SOX5: variants seen among roughly 807,000 people sequenced by gnomAD.
SOX5 encodes SRY-box transcription factor 5.
SOX5 carries 9 observed loss-of-function variants against 92.0 expected under a neutral mutation model. That is an observed-to-expected ratio of 0.10 (90% confidence interval 0.06 to 0.17). SOX5 has a LOEUF of 0.17. Ranked by LOEUF, SOX5 falls within the 10% of genes least tolerant of loss-of-function variation. The probability of loss-of-function intolerance (pLI) is 1.00; values close to 1 mark genes in which losing one functional copy is unlikely to be tolerated. For synonymous variants in SOX5, 344 were observed against 336.3 expected, an observed-to-expected ratio of 1.02 and a Z score of -0.25; for missense variants, 642 against 944.5, an observed-to-expected ratio of 0.68 and a Z score of 4.20.
At chr12:23,760,930 G>A (rs1009311060) in intron 3 of SOX5, among the ~76,000 whole-genome samples, 1 of 151,932 alleles carries the variant, frequency 6.6e-6, no homozygotes, top group Non-Finnish European at 1.5e-5. Context: ...TTGAAAAATC[G>A]AACAAACAAA....
chr12:23,594,100 G>T (rs1951990815), intron 9 of SOX5, among the ~76,000 whole-genome samples: 1 of 152,004 alleles, frequency 6.6e-6, no homozygotes, highest in Admixed American at 6.6e-5. Flanking sequence ...CATCTAAAAA[G>T]TTGACTTTGT....
At chr12:23,583,046 C>A (rs1950259031) in intron 9 of SOX5, among the ~76,000 whole-genome samples, 1 of 151,988 alleles carries the variant, frequency 6.6e-6, no homozygotes, top group Admixed American at 6.6e-5. Context: ...TATTTGAAAA[C>A]AAATAAAGAA....
At chr12:24,496,144 G>A (rs1338290259) in intron 1 of SOX5, among the ~76,000 whole-genome samples, 1 of 152,064 alleles carries the variant, frequency 6.6e-6, no homozygotes, top group Non-Finnish European at 1.5e-5. Flanking sequence ...TGAAGGGGTG[G>A]AATTCCAGAA....
intron 9 of SOX5, among the ~76,000 whole-genome samples, chr12:23,593,322 A>T (rs1027365678): frequency 1.8e-4 from 27 of 152,248 alleles, no homozygotes; most frequent in African/African-American, 6.0e-4. Context: ...AAGTCATACA[A>T]TTTCTGGTCT....
At chr12:24,271,855 T>G (rs1943786746) in intron 3 of SOX5, among the ~76,000 whole-genome samples, 2 of 152,170 alleles carry the variant, frequency 1.3e-5, no homozygotes, top group South Asian at 4.1e-4. Flanking sequence ...ACTTTCTGAA[T>G]TAACGGAGCT....
At chr12:24,068,834 G>A (rs1233126479) in intron 4 of SOX5, among the ~76,000 whole-genome samples, 1 of 149,502 alleles carries the variant, frequency 6.7e-6, no homozygotes, top group Non-Finnish European at 1.5e-5. Context: ...AAAAGATGCA[G>A]AAGGGCTGGA....
At chr12:24,304,758 T>G (rs1948384505) in intron 2 of SOX5, among the ~76,000 whole-genome samples, 1 of 152,178 alleles carries the variant, frequency 6.6e-6, no homozygotes, top group Non-Finnish European at 1.5e-5. Context: ...AAGCCTGCTC[T>G]CCTCTCATAT....
intron 1 of SOX5, among the ~76,000 whole-genome samples, chr12:24,376,068 T>A (rs1405820067): frequency 6.6e-6 from 1 of 152,206 alleles, no homozygotes; most frequent in African/African-American, 2.4e-5. Flanking sequence ...CTGAAGCGTA[T>A]TTCCTAGCAT....
intron 3 of SOX5, among the ~76,000 whole-genome samples, chr12:24,229,742 G>A (rs1962959964): frequency 6.6e-6 from 1 of 152,194 alleles, no homozygotes; most frequent in Non-Finnish European, 1.5e-5. Context: ...TGTGTGCCCT[G>A]AAAAAGTTGC....
chr12:24,285,501 T>C (rs147479128), intron 2 of SOX5, among the ~76,000 whole-genome samples: 66 of 151,128 alleles, frequency 4.4e-4, no homozygotes, highest in African/African-American at 1.5e-3. Flanking sequence ...TGTCTTAATC[T>C]ATGGGCCAGT....
In SOX5 at chr12:23,533,463, G is replaced by GA. The variant is rs756739948; in HGVS notation, c.*755dup. On this transcript the variant is annotated 3_prime_UTR_variant, in exon 15 of 15. Coordinates refer to ENST00000451604, the MANE Select transcript of SOX5 (RefSeq NM_006940.6). ...AAGAAGGAAAAGGAAAAAGTAAAGA[G>GA]AAAAAATGAACTTGGTCAACACTTC... 2.9e-4 allele frequency: 55 copies of GA among 189,824 alleles called. No homozygotes were observed. The highest frequency in any genetic ancestry group is 5.6e-4 in the Admixed American group (10 of 17,926). 11.8% of individuals were successfully genotyped at this position (189,824 alleles called of 1,614,324 possible).
intron 2 of SOX5, among the ~76,000 whole-genome samples, chr12:24,342,006 G>C (rs557425879): frequency 5.3e-5 from 8 of 152,172 alleles, no homozygotes; most frequent in South Asian, 2.1e-4. Context: ...TCTGACATAA[G>C]ATGTGCTTTC....
intron 2 of SOX5, among the ~76,000 whole-genome samples, chr12:24,299,533 G>A (rs947860841): frequency 2.6e-5 from 4 of 151,588 alleles, no homozygotes; most frequent in Non-Finnish European, 5.9e-5. Flanking sequence ...ATAACTTATT[G>A]TCTATTGTTT....
At chr12:24,326,781 T>TACACACACACACACACACAC (rs1306084119) in intron 2 of SOX5, among the ~76,000 whole-genome samples, 492 of 42,342 alleles carry the variant, frequency 0.012, 2 homozygotes, top group African/African-American at 0.028. Context: ...CACCCATTCA[T>TACACACACACACACACACAC]ACACACACAT....
chr12:24,086,175 G>A (rs1008391608), intron 4 of SOX5, among the ~76,000 whole-genome samples: 1 of 151,756 alleles, frequency 6.6e-6, no homozygotes, highest in African/African-American at 2.4e-5. Flanking sequence ...TGGCTGTTAA[G>A]GGAGGGGAAA....
At chr12:23,675,024 T>C (rs1334625156) in intron 6 of SOX5, among the ~76,000 whole-genome samples, 2 of 152,030 alleles carry the variant, frequency 1.3e-5, no homozygotes, top group Non-Finnish European at 2.9e-5. Context: ...AACAGAAAAA[T>C]TTTTTTGATA....
chr12:23,763,009 T>C (rs1480151531), intron 3 of SOX5, among the ~76,000 whole-genome samples: 1 of 152,200 alleles, frequency 6.6e-6, no homozygotes, highest in Non-Finnish European at 1.5e-5. Flanking sequence ...ATTTCAAATA[T>C]TAAATCCCAG....
chr12:24,433,109 T>A (rs1388557009), intron 1 of SOX5, among the ~76,000 whole-genome samples: 1 of 152,210 alleles, frequency 6.6e-6, no homozygotes, highest in Non-Finnish European at 1.5e-5. Flanking sequence ...TAAAAAACAA[T>A]CTATATGAAG....
chr12:23,649,298 T>C (rs2081264921), intron 7 of SOX5, among the ~76,000 whole-genome samples: 1 of 152,106 alleles, frequency 6.6e-6, no homozygotes, highest in Non-Finnish European at 1.5e-5. Flanking sequence ...AAAAGAGTTT[T>C]TATTGAAGTA....
Sources: allele counts gnomAD v4.1 joint callset (sites outside exome capture counted in the v4.1 genomes callset), GRCh38; gene constraint gnomAD v4.1.1; transcripts MANE v1.5; gene names NCBI Gene and HGNC (gene_info 2026-07-23, HGNC 2026-07-21).